XAB2: variants seen among roughly 807,000 people sequenced by gnomAD.
XAB2 encodes the protein pre-mRNA-splicing factor SYF1.
Under a neutral mutation model 113.4 loss-of-function variants are expected in XAB2, and 57 were observed. That is an observed-to-expected ratio of 0.50 (90% CI 0.41 to 0.63). The LOEUF is 0.63. Ranked by LOEUF, XAB2 falls within the 20% of genes least tolerant of loss-of-function variation. The pLI is 0.00. For synonymous variants in XAB2, 497 were observed against 498.8 expected (o/e 1.00, Z 0.05); for missense variants, 1,037 against 1,233.3 (o/e 0.84, Z 2.38).
rs1371835482 is a variant in XAB2, at chr19:7,624,458, AG to A, written c.823-14del. ...ACACGTCCCGAGCCTGTGGGGACCCAGGGAAGGGGAGGTGAGAGGAAAGTGG... is the reference window on the plus strand; with the variant it reads ...ACACGTCCCGAGCCTGTGGGGACCCAGGAAGGGGAGGTGAGAGGAAAGTGG... On this transcript the variant is annotated splice_polypyrimidine_tract_variant and intron_variant, in intron 6 of 18. Coordinates refer to ENST00000358368, the MANE Select transcript of XAB2 (RefSeq NM_020196.3). The surrounding 1 kb of genome is among the most constrained non-coding windows in gnomAD (Gnocchi z 4.2). 6.2e-7 allele frequency: 1 copy of A among 1,613,724 alleles called. No individual in the cohort carries two copies. Among genetic ancestry groups the A allele is most frequent in the African/African-American group, 1.3e-5 (1 of 74,912 alleles).
In XAB2 at chr19:7,622,876, C is replaced by T; in HGVS notation, c.1257G>A (p.Glu419=). 3.1e-6 allele frequency: 5 copies of T among 1,613,838 alleles called. No individual in the cohort carries two copies. Among genetic ancestry groups the T allele is most frequent in the Non-Finnish European group, 3.4e-6 (4 of 1,179,934 alleles). ...GQLDDARVIL[E]KATKVNFKQV... is the part of the protein sequence containing the mutation. ...GCTTGAAGTTCACCTTGGTGGCCTTCTCCAGGATGACACGGGCCTGCCGGG... is the reference window on the plus strand; with the variant it reads ...GCTTGAAGTTCACCTTGGTGGCCTTTTCCAGGATGACACGGGCCTGCCGGG... The change falls in exon 10 of 19, where the codon GAG becomes GAA. Residue 419 remains glutamate, a synonymous_variant. Coordinates refer to ENST00000358368, the MANE Select transcript of XAB2 (RefSeq NM_020196.3).
chr19:7,620,828 G>GC lies in XAB2; in HGVS notation c.1971+17dup. The GC allele has an allele frequency of 2.6e-6, 4 of 1,568,502 alleles. No homozygotes were observed. Among genetic ancestry groups the GC allele is most frequent in the Admixed American group, 1.8e-5 (1 of 56,824 alleles). ...CTCAGGGACCTCTGGCCCCGGCCCA[G>GC]CCCCCCACGGTGGGTACCTCAATGG... On this transcript the variant is annotated intron_variant, in intron 14 of 18. Coordinates refer to ENST00000358368, the MANE Select transcript of XAB2 (RefSeq NM_020196.3).
chr19:7,627,029 C>A lies in XAB2; in HGVS notation c.522+214G>T, dbSNP rs1214767125. On this transcript the variant is annotated intron_variant, in intron 4 of 18. Transcript: ENST00000358368. This position sits in a 1 kb window ranked among gnomAD's most constrained non-coding sequence, Gnocchi z 4.5. Reference sequence around the variant, plus strand: ...GCAGGGAGTGTCTTAGTCACACTGTCCTCAGCACCCATCGCTATGCCTAAT... The same window carrying A: ...GCAGGGAGTGTCTTAGTCACACTGTACTCAGCACCCATCGCTATGCCTAAT... 6.6e-6 allele frequency among the ~76,000 whole-genome samples: 1 copy of A among 152,204 alleles called. No homozygotes were observed. Among genetic ancestry groups the A allele is most frequent in the Non-Finnish European group, 1.5e-5 (1 of 68,032 alleles).
At position 7,624,683 on chromosome 19, in the gene XAB2, T is replaced by C. The variant is rs901238758; in HGVS notation, c.823-238A>G. Among the ~76,000 whole-genome samples the C allele has an allele frequency of 6.6e-6, 1 of 152,156 alleles. No homozygotes were observed. Among genetic ancestry groups the C allele is most frequent in the African/African-American group, 2.4e-5 (1 of 41,426 alleles). On this transcript the variant is annotated intron_variant, in intron 6 of 18. Transcript: ENST00000358368. The surrounding 1 kb of genome is among the most constrained non-coding windows in gnomAD (Gnocchi z 4.2). The stretch of plus-strand genomic sequence containing the variant: ...GGACCTCCTCAGTAAACTGGGTGAC[T>C]GCCCTTTGCACACAGTGACCTCAGG...
chr19:7,627,657 C>T lies in XAB2; in HGVS notation c.324+71G>A. 2 of 1,591,704 alleles carry T rather than the reference C, an allele frequency of 1.3e-6. No individual in the cohort carries two copies. Among genetic ancestry groups the T allele is most frequent in the Admixed American group, 3.4e-5 (2 of 59,216 alleles). The stretch of plus-strand genomic sequence containing the variant: ...ATCCCTAACATGCTGAGCCCAGCCC[C>T]TGTCCCCGCCCCACCCACCACCATG... On this transcript the variant is annotated intron_variant, in intron 3 of 18. Transcript: ENST00000358368. This position sits in a 1 kb window ranked among gnomAD's most constrained non-coding sequence, Gnocchi z 4.5.
In XAB2 at chr19:7,624,799, C is replaced by T. The variant is rs555228799; in HGVS notation, c.823-354G>A. Among the ~76,000 whole-genome samples, 16 of 152,314 alleles carry T rather than the reference C, an allele frequency of 1.1e-4. No individual in the cohort carries two copies. Among genetic ancestry groups the T allele is most frequent in the East Asian group, 1.9e-4 (1 of 5,178 alleles). On this transcript the variant is annotated intron_variant, in intron 6 of 18. Coordinates refer to ENST00000358368, the MANE Select transcript of XAB2 (RefSeq NM_020196.3). This position sits in a 1 kb window ranked among gnomAD's most constrained non-coding sequence, Gnocchi z 4.2. The stretch of plus-strand genomic sequence containing the variant: ...TATGGGTCCACCCTGCAGGGACCCT[C>T]GCCTCAGCTCATCCTCCGAGGCCTC...
chr19:7,625,930 G>A lies in XAB2; in HGVS notation c.772C>T (p.Leu258Phe). 6.2e-7 allele frequency: 1 copy of A among 1,613,652 alleles called. No individual in the cohort carries two copies. The highest frequency in any genetic ancestry group is 8.5e-7 in the Non-Finnish European group (1 of 1,179,808). The change falls in exon 6 of 19, where the codon CTC becomes TTC. Residue 258 changes from leucine (L) to phenylalanine (F), a missense_variant. Leu to Phe is a conservative substitution (Grantham distance 22). Coordinates refer to ENST00000358368, the MANE Select transcript of XAB2 (RefSeq NM_020196.3). This position sits in a 1 kb window ranked among gnomAD's most constrained non-coding sequence, Gnocchi z 5.2. ...TAGTAGTCGGCGAGAGAACACCAGA[G>A]CTTGCCCAGCTGGTCGGTGAAGCGG... ...LTRFTDQLGK[L>F]WCSLADYYIR...
At position 7,628,337 on chromosome 19, in the gene XAB2, C is replaced by T. The variant is rs530771257; in HGVS notation, c.52-39G>A. 2.0e-5 allele frequency: 32 copies of T among 1,612,574 alleles called. No homozygotes were observed. The highest frequency in any genetic ancestry group is 2.7e-5 in the Non-Finnish European group (32 of 1,179,754). On this transcript the variant is annotated intron_variant, in intron 1 of 18. Coordinates refer to ENST00000358368, the MANE Select transcript of XAB2 (RefSeq NM_020196.3). This position sits in a 1 kb window ranked among gnomAD's most constrained non-coding sequence, Gnocchi z 4.6. ...GGAATGGGAAGAAGAGAGGCCTACCCTCAGAGCCTGTGTGCAGCACCATCC... is the reference window on the plus strand; with the variant it reads ...GGAATGGGAAGAAGAGAGGCCTACCTTCAGAGCCTGTGTGCAGCACCATCC...
At chr19:7,629,079 G>A (rs2031202722) in intron 1 of XAB2, among the ~76,000 whole-genome samples, 1 of 152,140 alleles carries the variant, frequency 6.6e-6, no homozygotes, top group African/African-American at 2.4e-5. Flanking sequence ...CCTAGAGACC[G>A]CTATCCAGAA....
At chr19:7,621,964 G>A (rs1183993929) in intron 12 of XAB2, 7 of 226,966 alleles carry the variant, frequency 3.1e-5, no homozygotes, top group South Asian at 1.2e-4. Context: ...AAGTAGATTC[G>A]TTTGAAGATG....
At position 7,620,620 on chromosome 19, in the gene XAB2, A is replaced by G. The variant is rs1254184335; in HGVS notation, c.2021T>C (p.Met674Thr). Reference protein sequence around the residue: ...AREMCLRFADMECKLGEIDRA... With the variant: ...AREMCLRFADTECKLGEIDRA... Reference sequence around the variant, plus strand: ...GTCAATCTCCCCGAGCTTGCACTCCATGTCTGCAAACCGCAGGCACATCTC... The same window carrying G: ...GTCAATCTCCCCGAGCTTGCACTCCGTGTCTGCAAACCGCAGGCACATCTC... Residue 674 changes from methionine (M) to threonine (T), a missense_variant, in exon 15 of 19, where the codon ATG (methionine) becomes ACG (threonine). Physicochemically the swap from Met to Thr is moderately conservative, Grantham distance 81 (BLOSUM62 -1). Transcript: ENST00000358368. 3.7e-6 allele frequency: 6 copies of G among 1,613,102 alleles called. No homozygotes were observed. Among genetic ancestry groups the G allele is most frequent in the Admixed American group, 1.7e-5 (1 of 59,996 alleles).
In XAB2 at chr19:7,628,108, G is replaced by A. The variant is rs767764134; in HGVS notation, c.200+42C>T. The A allele has an allele frequency of 4.3e-5, 68 of 1,591,102 alleles. No individual in the cohort carries two copies. The highest frequency in any genetic ancestry group is 5.4e-5 in the Non-Finnish European group (63 of 1,168,948). On this transcript the variant is annotated intron_variant, in intron 2 of 18. Transcript: ENST00000358368. This position sits in a 1 kb window ranked among gnomAD's most constrained non-coding sequence, Gnocchi z 4.6. ...CAGTTTTGTTATAACTGGACCAGGT[G>A]GGGTGGGGGCTGGTGGGCAGGGCAG...
Position 7,621,023 on chromosome 19 carries a change from C to T in XAB2, c.1794G>A (p.Leu598=). 1.3e-6 allele frequency: 2 copies of T among 1,557,206 alleles called. No individual in the cohort carries two copies. Among genetic ancestry groups the T allele is most frequent in the South Asian group, 1.2e-5 (1 of 84,320 alleles). ...CCCACTCCTCCTCCAGCTGTGCGTA[C>T]AGCAGGTACAAGGCTGGGCGGGGTA... ...PPKYAKTLYL[L]YAQLEEEWGL... The change falls in exon 14 of 19, where the codon CTG becomes CTA. Residue 598 remains leucine, a synonymous_variant. Transcript: ENST00000358368.
rs200769806 is a variant in XAB2, at chr19:7,624,434, C to T, written c.834G>A (p.Val278=). The part of the protein sequence containing the change: ...RSGHFEKARD[V]YEEAIRTVMT... ...TCACTGTCCGGATGGCCTCCTCGTA[C>T]ACGTCCCGAGCCTGTGGGGACCCAG... Residue 278 remains valine (V), a synonymous_variant, in exon 7 of 19, where the codon GTG becomes GTA. Coordinates refer to ENST00000358368, the MANE Select transcript of XAB2 (RefSeq NM_020196.3). The surrounding 1 kb of genome is among the most constrained non-coding windows in gnomAD (Gnocchi z 4.2). 4 of 1,614,086 alleles carry T rather than the reference C, an allele frequency of 2.5e-6. No individual in the cohort carries two copies. The Admixed American group carries it at 5.0e-5, about 20-fold the overall frequency.
At position 7,629,531 on chromosome 19, in the gene XAB2, T is replaced by C; in HGVS notation, c.-4A>G. On this transcript the variant is annotated 5_prime_UTR_variant, in exon 1 of 19. Transcript: ENST00000358368. ...AGAGTCGCGCCATCACCACCATTTT[T>C]CTGGATGCCCAGGTACAGGAGAGAG... 6.2e-7 allele frequency: 1 copy of C among 1,604,274 alleles called. No individual in the cohort carries two copies. The highest frequency in any genetic ancestry group is 1.1e-5 in the South Asian group (1 of 89,316).
chr19:7,628,194 C>T lies in XAB2; in HGVS notation c.156G>A (p.Arg52=), dbSNP rs770873229. 4.3e-6 allele frequency: 7 copies of T among 1,613,930 alleles called. No homozygotes were observed. The East Asian group carries it at 1.3e-4, about 31-fold the overall frequency. ...GTGCCCGCTCGTATAGCTGATTGAG[C>T]CTGGGCTTCGGGGCGCCCTGTTTGA... is the stretch of plus-strand genomic sequence containing the variant. ...IEFKQGAPKP[R]LNQLYERALK... The change falls in exon 2 of 19, where the codon AGG becomes AGA. Residue 52 remains arginine (R), a synonymous_variant. Transcript: ENST00000358368. This position sits in a 1 kb window ranked among gnomAD's most constrained non-coding sequence, Gnocchi z 4.6.
Position 7,628,298 on chromosome 19 carries a change from C to T in XAB2, c.52G>A (p.Glu18Lys), listed in dbSNP as rs528617364. The T allele has an allele frequency of 2.3e-5, 37 of 1,614,024 alleles. 1 individual carries two copies. The South Asian group carries it at 3.8e-4, about 17-fold the overall frequency. ...SRPERPDLVF[E>K]EEDLPYEEEI... ...TCCTCATAGGGGAGGTCCTCTTCCT[C>T]CTGCCAGGGCCAGGGAATGGGAAGA... Residue 18 changes from glutamate (E) to lysine (K), a missense_variant and splice_region_variant, in exon 2 of 19, where the codon GAG (glutamate) becomes AAG (lysine). Coordinates refer to ENST00000358368, the MANE Select transcript of XAB2 (RefSeq NM_020196.3). This position sits in a 1 kb window ranked among gnomAD's most constrained non-coding sequence, Gnocchi z 4.6.
intron 4 of XAB2, among the ~76,000 whole-genome samples, chr19:7,626,525 C>A (rs761012067): frequency 1.4e-4 from 21 of 151,778 alleles, no homozygotes; most frequent in South Asian, 4.2e-4. Context: ...CTGACTAGAC[C>A]AGCTGTGGAC....
At chr19:7,622,222 C>T (rs1168466475) in intron 12 of XAB2, 109 bp downstream of exon 12, 1 of 1,035,940 alleles carries the variant, frequency 9.7e-7, no homozygotes, top group Non-Finnish European at 1.5e-6. Flanking sequence ...TTAAGTCACC[C>T]AGTCTGTATA....
Sources: allele counts gnomAD v4.1 joint callset (sites outside exome capture counted in the v4.1 genomes callset), GRCh38; gene constraint gnomAD v4.1.1; non-coding constraint Gnocchi (gnomAD v3.1); transcripts MANE v1.5; gene names NCBI Gene and HGNC (gene_info 2026-07-23, HGNC 2026-07-21).